CACNA2D1: variants seen among roughly 807,000 people sequenced by gnomAD.
The protein encoded by CACNA2D1 is calcium voltage-gated channel auxiliary subunit alpha2delta 1.
A neutral mutation model predicts 171.5 loss-of-function variants in CACNA2D1; 53 were observed. The ratio of observed to expected loss-of-function variants is 0.31; its 90% CI spans 0.25 to 0.39. The LOEUF is 0.39. Among genes scored for constraint, CACNA2D1 ranks in the 10% least tolerant of loss-of-function variants. CACNA2D1 has a pLI of 1.00. For missense variants in CACNA2D1, 903 were observed against 1,299.8 expected, an observed-to-expected ratio of 0.69 and a Z score of 4.69; for synonymous variants, 442 against 443.1, an observed-to-expected ratio of 1.00 and a Z score of 0.03.
intron 3 of CACNA2D1, among the ~76,000 whole-genome samples, chr7:82,319,207 CAT>C (rs1346336281): frequency 6.6e-6 from 1 of 152,056 alleles, no homozygotes; most frequent in African/African-American, 2.4e-5. Context: ...TTTAAGGTCT[CAT>C]ATAAGATACT....
At chr7:81,989,884 A>G (rs1797351209) in intron 21 of CACNA2D1, among the ~76,000 whole-genome samples, 1 of 152,188 alleles carries the variant, frequency 6.6e-6, no homozygotes, top group African/African-American at 2.4e-5. Flanking sequence ...GCAAAAAGGG[A>G]GAAGGGATTG....
At chr7:81,956,360 C>G (rs1239749839) in intron 38 of CACNA2D1, among the ~76,000 whole-genome samples, 2 of 151,894 alleles carry the variant, frequency 1.3e-5, no homozygotes, top group South Asian at 2.1e-4. Context: ...TAACTGATAA[C>G]CTATAAATCT....
At chr7:81,951,969 G>GTTTTTTTTTTTTTTTTGT (rs1792585682) in intron 38 of CACNA2D1, among the ~76,000 whole-genome samples, 1 of 71,916 alleles carries the variant, frequency 1.4e-5, no homozygotes, top group African/African-American at 6.1e-5. Context: ...TGTACAAAGT[G>GTTTTTTTTTTTTTTTTGT]TTTTTTTTTT....
At chr7:82,346,599 T>C (rs559605531) in intron 2 of CACNA2D1, among the ~76,000 whole-genome samples, 1 of 152,222 alleles carries the variant, frequency 6.6e-6, no homozygotes, top group Non-Finnish European at 1.5e-5. Flanking sequence ...TCAATGGAAA[T>C]ACAAACAAAC....
At chr7:82,025,447 A>G (rs1006345103) in intron 12 of CACNA2D1, among the ~76,000 whole-genome samples, 2 of 151,492 alleles carry the variant, frequency 1.3e-5, no homozygotes, top group Non-Finnish European at 3.0e-5. Context: ...TTTTCCTTTC[A>G]GGTAGTTAGT....
intron 12 of CACNA2D1, among the ~76,000 whole-genome samples, chr7:82,024,944 T>C (rs538119423): frequency 6.6e-6 from 1 of 151,708 alleles, no homozygotes; most frequent in South Asian, 2.1e-4. Flanking sequence ...GAGGATCAAT[T>C]GGCCATATAT....
At chr7:82,337,639 A>C (rs1313298378) in intron 2 of CACNA2D1, among the ~76,000 whole-genome samples, 2 of 152,192 alleles carry the variant, frequency 1.3e-5, no homozygotes, top group East Asian at 3.9e-4. Context: ...TCTCGAAGGA[A>C]AAACAGCATG....
intron 7 of CACNA2D1, among the ~76,000 whole-genome samples, chr7:82,079,188 T>TC (rs1195213780): frequency 6.6e-6 from 1 of 152,168 alleles, no homozygotes; most frequent in Non-Finnish European, 1.5e-5. Flanking sequence ...ACTCTAACTT[T>TC]CCCCTACATC....
intron 20 of CACNA2D1, among the ~76,000 whole-genome samples, chr7:81,992,572 T>C (rs1797657803): frequency 6.6e-6 from 1 of 152,204 alleles, no homozygotes; most frequent in African/African-American, 2.4e-5. Context: ...GGCAAGCAAG[T>C]GTTGGTCTGC....
intron 15 of CACNA2D1, 70 bp downstream of exon 15, chr7:82,012,084 T>C (rs1799854002): frequency 1.0e-6 from 1 of 956,704 alleles, no homozygotes; most frequent in African/African-American, 1.6e-5. Context: ...AGACATCATC[T>C]AGAAAGAAGT....
intron 5 of CACNA2D1, among the ~76,000 whole-genome samples, chr7:82,127,810 AAAGATTTTCTTACAT>A (rs1273580672): frequency 6.6e-6 from 1 of 152,220 alleles, no homozygotes; most frequent in Non-Finnish European, 1.5e-5. Flanking sequence ...TGGACACAGC[AAAGATTTTCTTACAT>A]ATCCAGTAAG....
At chr7:82,071,507 A>G (rs1808315055) in intron 7 of CACNA2D1, among the ~76,000 whole-genome samples, 1 of 152,170 alleles carries the variant, frequency 6.6e-6, no homozygotes, top group Non-Finnish European at 1.5e-5. Flanking sequence ...ATTCTGTATT[A>G]TAGGTAGTCA....
chr7:82,300,246 AATAAAG>A (rs1253668537), intron 3 of CACNA2D1, among the ~76,000 whole-genome samples: 2 of 152,162 alleles, frequency 1.3e-5, no homozygotes, highest in Admixed American at 6.6e-5. Flanking sequence ...CTCAGACAGC[AATAAAG>A]ATAAAGAAGG....
chr7:82,306,092 C>T (rs1000307084), intron 3 of CACNA2D1, among the ~76,000 whole-genome samples: 8 of 152,284 alleles, frequency 5.3e-5, no homozygotes, highest in Non-Finnish European at 1.0e-4. Flanking sequence ...TGATCCTTTT[C>T]CTCCCAGAAA....
At position 82,271,241 on chromosome 7, in the gene CACNA2D1, C is replaced by T. The variant is rs191238990; in HGVS notation, c.294+63894G>A. On this transcript the variant is annotated intron_variant, in intron 3 of 38. Coordinates refer to ENST00000356860, the MANE Select transcript of CACNA2D1 (RefSeq NM_000722.4). ...ATTCATCATGTAGAAAAGAAAAGTA[C>T]CACTTTCTCTAGAAACTAGATCCCC... Among the ~76,000 whole-genome samples, 231 of 152,098 alleles carry T rather than the reference C, an allele frequency of 1.5e-3. 2 individuals carry two copies. Among genetic ancestry groups the T allele is most frequent in the Non-Finnish European group, 2.4e-3 (162 of 67,952 alleles).
chr7:82,177,453 A>C (rs1419675886), intron 3 of CACNA2D1, among the ~76,000 whole-genome samples: 1 of 152,146 alleles, frequency 6.6e-6, no homozygotes, highest in Non-Finnish European at 1.5e-5. Context: ...TTATCTAAGA[A>C]GAAACCCATC....
At chr7:82,115,538 C>T (rs1563071371) in intron 6 of CACNA2D1, among the ~76,000 whole-genome samples, 1 of 151,506 alleles carries the variant, frequency 6.6e-6, no homozygotes, top group Non-Finnish European at 1.5e-5. Context: ...CACACACACA[C>T]ATATATATAC....
chr7:82,355,586 A>G (rs1015603282), intron 1 of CACNA2D1, among the ~76,000 whole-genome samples: 1 of 152,040 alleles, frequency 6.6e-6, no homozygotes, highest in Non-Finnish European at 1.5e-5. Flanking sequence ...CAACAGGACT[A>G]TGTCTTATCC....
At chr7:82,001,667 TG>T in intron 18 of CACNA2D1, 1 of 1,247,156 alleles carries the variant, frequency 8.0e-7, no homozygotes, top group Non-Finnish European at 1.1e-6. Flanking sequence ...ACCTGGATAT[TG>T]GGTCTCCTTT....
Sources: allele counts gnomAD v4.1 joint callset (sites outside exome capture counted in the v4.1 genomes callset), GRCh38; gene constraint gnomAD v4.1.1; transcripts MANE v1.5; gene names NCBI Gene and HGNC (gene_info 2026-07-23, HGNC 2026-07-21).